The following GGA3 variants were observed in gnomAD, a reference collection of about 807,000 sequenced individuals.
The protein encoded by GGA3 is golgi associated, gamma adaptin ear containing, ARF binding protein 3, also known as ADP-ribosylation factor-binding protein GGA3.
In GGA3, 57 loss-of-function variants were observed where a neutral mutation model predicts 77.5. That is an observed-to-expected ratio of 0.74 (90% CI 0.59 to 0.92). GGA3 has a LOEUF of 0.92. Ranked by LOEUF, GGA3 falls within the 40% of genes least tolerant of loss-of-function variation. The pLI, the probability that GGA3 is intolerant of heterozygous loss-of-function variation, is 0.00. For synonymous variants in GGA3, 416 were observed against 383.7 expected (o/e 1.08, Z -0.98); for missense variants, 970 against 914.9 (o/e 1.06, Z -0.78).
intron 1 of GGA3, among the ~76,000 whole-genome samples, chr17:75,250,428 A>T (rs1372600326): frequency 6.6e-6 from 1 of 152,164 alleles, no homozygotes; most frequent in Non-Finnish European, 1.5e-5. Context: ...AGCATTGGGT[A>T]CCCCATTCCA....
At chr17:75,258,955 T>G (rs866905944) in intron 1 of GGA3, among the ~76,000 whole-genome samples, 3 of 119,768 alleles carry the variant, frequency 2.5e-5, no homozygotes, top group African/African-American at 1.2e-4. Context: ...CTTGTATCTT[T>G]TTTTTTTTTT....
rs1020407957 is a variant in GGA3, at chr17:75,239,520, G to C, written c.1635C>G (p.Thr545=). The change falls in exon 14 of 17, where the codon ACC becomes ACG. Residue 545 remains threonine, a synonymous_variant. Coordinates refer to ENST00000537686, the MANE Select transcript of GGA3 (RefSeq NM_138619.4). The part of the protein sequence containing the change: ...PTTSPLIPTT[T]PARPLLPFST... ...AGAAGGGCAGGAGGGGCCTGGCTGGGGTGGTGGTGGGGATGAGAGGGGAGG... is the reference window on the plus strand; with the variant it reads ...AGAAGGGCAGGAGGGGCCTGGCTGGCGTGGTGGTGGGGATGAGAGGGGAGG... 1 of 1,563,666 alleles carries C rather than the reference G, an allele frequency of 6.4e-7. No homozygotes were observed. The highest frequency in any genetic ancestry group is 8.6e-7 in the Non-Finnish European group (1 of 1,159,748).
chr17:75,261,954 C>T (rs766690562), upstream of GGA3: 4 of 1,607,672 alleles, frequency 2.5e-6, no homozygotes, highest in Admixed American at 3.3e-5. Context: ...TGGCGTTGGG[C>T]GTGCGGCGGG....
rs1226153347 is a variant in GGA3, at chr17:75,237,637, G to A, written c.*642C>T. The A allele has an allele frequency of 1.3e-6, 2 of 1,507,044 alleles. No homozygotes were observed. Among genetic ancestry groups the A allele is most frequent in the Non-Finnish European group, 1.8e-6 (2 of 1,130,608 alleles). The allele number at this position is 1,507,044 out of a possible 1,614,324, so 93.4% of individuals were successfully genotyped here. A position where few individuals can be genotyped will look rare whatever the true frequency, so the allele number is the denominator to read the frequency against. ...CCTGCCAAGATGTCCATAGGACACA[G>A]CCTGCCACTGCCAGGGACAAGCACA... On this transcript the variant is annotated 3_prime_UTR_variant, in exon 17 of 17. Coordinates refer to ENST00000537686, the MANE Select transcript of GGA3 (RefSeq NM_138619.4).
intron 1 of GGA3, among the ~76,000 whole-genome samples, chr17:75,260,629 C>A (rs2077325637): frequency 6.6e-6 from 1 of 152,148 alleles, no homozygotes; most frequent in African/African-American, 2.4e-5. Context: ...TAAGAGACCT[C>A]AGAACAAGGC....
intron 13 of GGA3, 91 bp from the exon 14 acceptor site, chr17:75,239,662 G>T: frequency 1.4e-6 from 2 of 1,446,764 alleles, no homozygotes; most frequent in Non-Finnish European, 1.9e-6. Context: ...TCTTACCCAG[G>T]CCCACCCCTT....
chr17:75,242,988 GCA>G, intron 6 of GGA3, 73 bp downstream of exon 6: 1 of 1,484,834 alleles, frequency 6.7e-7, no homozygotes, highest in South Asian at 1.1e-5. Flanking sequence ...GCTCCCCGCA[GCA>G]CAGTGCAAAC....
In GGA3 at chr17:75,239,451, C is replaced by A. The variant is rs375885510; in HGVS notation, c.1704G>T (p.Gln568His). 1 of 1,581,058 alleles carries A rather than the reference C, an allele frequency of 6.3e-7. No homozygotes were observed. The highest frequency in any genetic ancestry group is 8.5e-7 in the Non-Finnish European group (1 of 1,171,160). Residue 568 changes from glutamine to histidine, a missense_variant, in exon 14 of 17, where the codon CAG (glutamine) becomes CAT (histidine). Physicochemically the swap from Gln to His is conservative, Grantham distance 24 (BLOSUM62 0). Coordinates refer to ENST00000537686, the MANE Select transcript of GGA3 (RefSeq NM_138619.4). ...GSPLFQPLSF[Q>H]SQGSPPKGPE... The stretch of plus-strand genomic sequence containing the variant: ...GCCCCTTCGGGGGGCTGCCCTGGGA[C>A]TGGAAACTCAGTGGCTGGAAGAGCG...
intron 1 of GGA3, among the ~76,000 whole-genome samples, chr17:75,252,646 G>A (rs917630396): frequency 1.9e-4 from 29 of 152,142 alleles, no homozygotes; most frequent in African/African-American, 7.0e-4. Context: ...CCCAAGCCAA[G>A]CCATGGCATC....
intron 1 of GGA3, among the ~76,000 whole-genome samples, chr17:75,254,500 C>T (rs552414879): frequency 1.6e-4 from 25 of 152,286 alleles, no homozygotes; most frequent in Admixed American, 1.2e-3. Context: ...GTTCATGGCT[C>T]GTTCGGCAGC....
rs1383939100 is a variant in GGA3, at chr17:75,238,771, A to G, written c.1951-9T>C. Reference sequence around the variant, plus strand: ...AACTTCACTTTCATTGACTAAAGAGAGAGAAACTCCTTTGAAGAGAACTGG... The same window carrying G: ...AACTTCACTTTCATTGACTAAAGAGGGAGAAACTCCTTTGAAGAGAACTGG... On this transcript the variant is annotated splice_polypyrimidine_tract_variant and intron_variant, in intron 15 of 16. Transcript: ENST00000537686. The G allele has an allele frequency of 1.2e-6, 2 of 1,605,852 alleles. No homozygotes were observed. Among genetic ancestry groups the G allele is most frequent in the Admixed American group, 1.7e-5 (1 of 59,558 alleles).
chr17:75,246,893 T>C (rs936355220), intron 1 of GGA3, 97 bp from the exon 2 acceptor site: 1 of 921,210 alleles, frequency 1.1e-6, no homozygotes, highest in African/African-American at 1.6e-5. Flanking sequence ...AGAGTTTGCT[T>C]TCAACTTTAC....
intron 1 of GGA3, among the ~76,000 whole-genome samples, chr17:75,257,054 C>T (rs929030269): frequency 5.2e-4 from 79 of 152,050 alleles, no homozygotes; most frequent in African/African-American, 1.9e-3. Context: ...TACGGTCCTC[C>T]GTCTTCAAGA....
chr17:75,239,526 GGTGGGGATGAGAGGGGAGGTA>G lies in GGA3; in HGVS notation c.1608_1628del (p.Ser538_Thr544del), dbSNP rs754707568. The G allele has an allele frequency of 6.4e-7, 1 of 1,566,892 alleles. No homozygotes were observed. Among genetic ancestry groups the G allele is most frequent in the Non-Finnish European group, 8.6e-7 (1 of 1,158,522 alleles). Reference sequence around the variant, plus strand: ...GCAGGAGGGGCCTGGCTGGGGTGGTGGTGGGGATGAGAGGGGAGGTAGTGGGTTTCACCAAGCCCGAGGTCC... The same window carrying G: ...GCAGGAGGGGCCTGGCTGGGGTGGTGGTGGGTTTCACCAAGCCCGAGGTCC... On this transcript the variant is annotated inframe_deletion, in exon 14 of 17. Coordinates refer to ENST00000537686, the MANE Select transcript of GGA3 (RefSeq NM_138619.4).
At chr17:75,250,341 G>C (rs2076918244) in intron 1 of GGA3, among the ~76,000 whole-genome samples, 1 of 152,142 alleles carries the variant, frequency 6.6e-6, no homozygotes, top group East Asian at 1.9e-4. Flanking sequence ...TGGATTTCCT[G>C]CTTTCATTTT....
intron 7 of GGA3, 138 bp from the exon 8 acceptor site, chr17:75,242,611 C>G (rs1388153672): frequency 4.9e-6 from 5 of 1,023,314 alleles, no homozygotes; most frequent in Non-Finnish European, 7.4e-6. Context: ...GGGGCCCAGT[C>G]TATACTTCTG....
intron 1 of GGA3, among the ~76,000 whole-genome samples, chr17:75,255,664 T>C (rs979619656): frequency 6.6e-6 from 1 of 152,228 alleles, no homozygotes; most frequent in African/African-American, 2.4e-5. Flanking sequence ...AATTCCCCCA[T>C]TTTACCTGTC....
intron 1 of GGA3, among the ~76,000 whole-genome samples, chr17:75,260,083 A>G (rs1158797930): frequency 6.6e-6 from 1 of 152,208 alleles, no homozygotes; most frequent in African/African-American, 2.4e-5. Context: ...CAGGGGTTCA[A>G]GGCTGCAGTG....
Position 75,238,351 on chromosome 17 carries a change from C to G in GGA3, c.2100G>C (p.Leu700=), listed in dbSNP as rs2076393025. ...VRLRYKLTFA[L]GEQLSTEVGE... is the part of the protein sequence containing the mutation. The stretch of plus-strand genomic sequence containing the variant: ...CCACCTCTGTGCTCAGCTGCTCCCC[C>G]AGGGCGAAGGTCAGCTTATACCGAA... The change falls in exon 17 of 17, where the codon CTG becomes CTC. Residue 700 remains leucine, a synonymous_variant. Coordinates refer to ENST00000537686, the MANE Select transcript of GGA3 (RefSeq NM_138619.4). 1 of 1,613,892 alleles carries G rather than the reference C, an allele frequency of 6.2e-7. No individual in the cohort carries two copies. The highest frequency in any genetic ancestry group is 8.5e-7 in the Non-Finnish European group (1 of 1,179,996).
Sources: gnomAD v4.1 joint callset for allele counts (sites outside exome capture counted in the v4.1 genomes callset) on GRCh38, gnomAD v4.1.1 for gene constraint, MANE v1.5 for transcripts, NCBI Gene and HGNC (gene_info 2026-07-23, HGNC 2026-07-21) for gene names.